OTUD7A: variants seen among roughly 807,000 people sequenced by gnomAD.
OTUD7A encodes OTU domain-containing protein 7A.
A neutral mutation model predicts 65.7 loss-of-function variants in OTUD7A; 12 were observed. That is an observed-to-expected ratio of 0.18 (90% CI 0.12 to 0.30). The LOEUF (loss-of-function observed/expected upper bound fraction) is 0.30. Among genes scored for constraint, OTUD7A ranks in the 10% least tolerant of loss-of-function variants. The pLI is 1.00. For missense variants in OTUD7A, 1,148 were observed against 1,304.8 expected (o/e 0.88, Z 1.85); for synonymous variants, 641 against 586.3 (o/e 1.09, Z -1.35).
At chr15:31,627,661 G>GCC (rs1361360119) in intron 3 of OTUD7A, among the ~76,000 whole-genome samples, 21 of 152,192 alleles carry the variant, frequency 1.4e-4, no homozygotes, top group Non-Finnish European at 2.9e-4. Context: ...CTGAGGAATC[G>GCC]CCACACTGAC....
intron 1 of OTUD7A, among the ~76,000 whole-genome samples, chr15:31,771,904 C>G (rs939345120): frequency 2.6e-5 from 4 of 152,148 alleles, no homozygotes; most frequent in Non-Finnish European, 5.9e-5. Flanking sequence ...TTTATTCTCC[C>G]TAACAGCCTC....
chr15:31,801,473 T>A (rs1274192795), intron 1 of OTUD7A, among the ~76,000 whole-genome samples: 1 of 152,206 alleles, frequency 6.6e-6, no homozygotes, highest in Admixed American at 6.5e-5. Context: ...GGGCTGGTTC[T>A]GAGCTGCCAC....
chr15:31,593,012 T>C (rs145082208), intron 3 of OTUD7A, among the ~76,000 whole-genome samples: 45 of 142,438 alleles, frequency 3.2e-4, no homozygotes, highest in African/African-American at 1.2e-3. Flanking sequence ...TGATAAAAAG[T>C]ATAGCATAGT....
chr15:31,527,166 C>A lies in OTUD7A; in HGVS notation c.780+15G>T, dbSNP rs1348862654. ...GCCTGGGTCCCGGGCTCTGGCCATG[C>A]CAGTGGATACCAACCTCCTTATTCT... On this transcript the variant is annotated intron_variant, in intron 7 of 12. Transcript: ENST00000307050. 1.2e-6 allele frequency: 2 copies of A among 1,613,762 alleles called. No individual in the cohort carries two copies. The highest frequency in any genetic ancestry group is 2.2e-5 in the East Asian group (1 of 44,892).
At position 31,559,332 on chromosome 15, in the gene OTUD7A, C is replaced by T. The variant is rs1888606345; in HGVS notation, c.332-145G>A. The T allele has an allele frequency of 5.5e-6, 4 of 729,946 alleles. No homozygotes were observed. In the South Asian group the frequency reaches 5.5e-5, roughly 10 times the overall value. 45.2% of individuals were successfully genotyped at this position (729,946 alleles called of 1,614,324 possible). ...ACAGACCACACACATGCACATACCACACAACACACAAAAATACATATGTGC... is the reference window on the plus strand; with the variant it reads ...ACAGACCACACACATGCACATACCATACAACACACAAAAATACATATGTGC... On this transcript the variant is annotated intron_variant, in intron 4 of 12. Transcript: ENST00000307050.
intron 3 of OTUD7A, among the ~76,000 whole-genome samples, chr15:31,613,005 A>G (rs1890477175): frequency 6.6e-6 from 1 of 152,124 alleles, no homozygotes; most frequent in Non-Finnish European, 1.5e-5. Flanking sequence ...CTTACAGCCA[A>G]CTGATCTTTG....
intron 1 of OTUD7A, among the ~76,000 whole-genome samples, chr15:31,658,485 C>A (rs1280531933): frequency 1.3e-5 from 2 of 152,122 alleles, no homozygotes; most frequent in Admixed American, 6.5e-5. Flanking sequence ...CTTAAGCAAC[C>A]TTCATGGAGC....
chr15:31,778,238 C>T (rs1361066997), intron 1 of OTUD7A, among the ~76,000 whole-genome samples: 3 of 152,078 alleles, frequency 2.0e-5, no homozygotes, highest in Non-Finnish European at 4.4e-5. Flanking sequence ...GCAGGAATTC[C>T]GGGGGTCAGC....
chr15:31,561,513 C>T (rs762927396), intron 4 of OTUD7A, among the ~76,000 whole-genome samples: 12 of 152,104 alleles, frequency 7.9e-5, no homozygotes, highest in Non-Finnish European at 1.5e-4. Context: ...TCCAGGGGCA[C>T]CCATGCTCCT....
At chr15:31,486,024 G>T (rs1271346476) in intron 12 of OTUD7A, among the ~76,000 whole-genome samples, 1 of 152,196 alleles carries the variant, frequency 6.6e-6, no homozygotes, top group Non-Finnish European at 1.5e-5. Flanking sequence ...GGTGCGCCTG[G>T]TGCTAGCAGG....
At chr15:31,504,695 G>GACA (rs2041532664) in intron 8 of OTUD7A, among the ~76,000 whole-genome samples, 1 of 152,202 alleles carries the variant, frequency 6.6e-6, no homozygotes, top group Non-Finnish European at 1.5e-5. Context: ...ATTAGCTGAC[G>GACA]GCAGCAGGTG....
rs369287748 is a variant in OTUD7A, at chr15:31,477,531, A to T, written c.*5763T>A. The T allele has an allele frequency of 1.3e-5, 2 of 152,250 alleles. No homozygotes were observed. Among genetic ancestry groups the T allele is most frequent in the East Asian group, 3.8e-4 (2 of 5,198 alleles). 9.4% of individuals were successfully genotyped at this position (152,250 alleles called of 1,614,324 possible). A position where few individuals can be genotyped will look rare whatever the true frequency, so the allele number is the denominator to read the frequency against. ...AGAAGCCACCGCTGCTGCCCGGTGT[A>T]TCTAACCATCTTGTACCCATAGGAG... is the stretch of plus-strand genomic sequence containing the variant. On this transcript the variant is annotated 3_prime_UTR_variant, in exon 13 of 13. Transcript: ENST00000307050.
chr15:31,666,551 G>A (rs1299133782), intron 1 of OTUD7A, among the ~76,000 whole-genome samples: 2 of 152,086 alleles, frequency 1.3e-5, no homozygotes, highest in South Asian at 4.2e-4. Context: ...TCTTGCTAGT[G>A]GTCTTGAATT....
chr15:31,571,150 A>G (rs1889042621), intron 3 of OTUD7A, among the ~76,000 whole-genome samples: 1 of 152,174 alleles, frequency 6.6e-6, no homozygotes. Flanking sequence ...TGCCCCATCA[A>G]TATACATATT....
At chr15:31,811,065 G>A (rs1369573386) in intron 1 of OTUD7A, among the ~76,000 whole-genome samples, 1 of 152,210 alleles carries the variant, frequency 6.6e-6, no homozygotes, top group Non-Finnish European at 1.5e-5. Context: ...AGGGGCTGCA[G>A]TGAGAACAAA....
chr15:31,588,367 G>C (rs542176390), intron 3 of OTUD7A, among the ~76,000 whole-genome samples: 2 of 152,174 alleles, frequency 1.3e-5, no homozygotes, highest in Non-Finnish European at 2.9e-5. Context: ...ATGGCAACAC[G>C]CTAAGGGAAA....
chr15:31,644,204 A>C (rs970226971), intron 3 of OTUD7A, among the ~76,000 whole-genome samples: 10 of 152,044 alleles, frequency 6.6e-5, no homozygotes, highest in African/African-American at 2.4e-4. Context: ...ATAACACCTC[A>C]CCTCCCCACT....
Position 31,655,217 on chromosome 15 carries a change from G to A in OTUD7A, c.30C>T (p.Thr10=), listed in dbSNP as rs1245526324. The A allele has an allele frequency of 4.0e-6, 6 of 1,503,784 alleles. No individual in the cohort carries two copies. The highest frequency in any genetic ancestry group is 4.0e-5 in the Admixed American group (2 of 49,550). The allele number at this position is 1,503,784 out of a possible 1,614,324, so 93.2% of individuals were successfully genotyped here. MVSSVLPNP[T]SAECWAALLH... Reference sequence around the variant, plus strand: ...GAAGTGCTGCCCAACACTCAGCCGAGGTGGGGTTTGGAAGCACACTAGAAA... The same window carrying A: ...GAAGTGCTGCCCAACACTCAGCCGAAGTGGGGTTTGGAAGCACACTAGAAA... Residue 10 remains threonine, a synonymous_variant, in exon 3 of 13, where the codon ACC becomes ACT. Transcript: ENST00000307050.
At chr15:31,604,433 G>A (rs188001242) in intron 3 of OTUD7A, among the ~76,000 whole-genome samples, 98 of 152,106 alleles carry the variant, frequency 6.4e-4, no homozygotes, top group Admixed American at 1.0e-3. Context: ...ATCACACATC[G>A]GGGCCTGTTG....
Sources: gnomAD v4.1 joint callset for allele counts (sites outside exome capture counted in the v4.1 genomes callset) on GRCh38, gnomAD v4.1.1 for gene constraint, MANE v1.5 for transcripts, NCBI Gene and HGNC (gene_info 2026-07-23, HGNC 2026-07-21) for gene names.